The following MYCBPAP variants were observed in gnomAD, a reference collection of about 807,000 sequenced individuals.
The protein encoded by MYCBPAP is MYCBP-associated protein.
Under a neutral mutation model 106.1 loss-of-function variants are expected in MYCBPAP, and 60 were observed. That is an observed-to-expected ratio of 0.57 (90% CI 0.46 to 0.70). The LOEUF (loss-of-function observed/expected upper bound fraction) is 0.70, where lower values mean the gene tolerates loss of function less well. Among genes scored for constraint, MYCBPAP ranks in the 30% least tolerant of loss-of-function variants. MYCBPAP has a pLI of 0.00. For missense variants in MYCBPAP, 1,064 were observed against 1,169.3 expected (o/e 0.91, Z 1.31); for synonymous variants, 407 against 440.6 (o/e 0.92, Z 0.95).
intron 2 of MYCBPAP, 71 bp from the exon 3 acceptor site, chr17:50,517,222 C>T: frequency 7.0e-7 from 1 of 1,427,268 alleles, no homozygotes; most frequent in Non-Finnish European, 9.9e-7. Context: ...AGAACTAGAA[C>T]AGAAGAGATG....
In MYCBPAP at chr17:50,528,139, G is replaced by A. The variant is rs2143997815; in HGVS notation, c.2292-16G>A. Reference sequence around the variant, plus strand: ...TGAGGAGTGATGGCATTTCTCCACTGTGTCTTGCCCTCTAGTTTGCAGCTG... The same window carrying A: ...TGAGGAGTGATGGCATTTCTCCACTATGTCTTGCCCTCTAGTTTGCAGCTG... On this transcript the variant is annotated splice_polypyrimidine_tract_variant and intron_variant, in intron 15 of 18. Transcript: ENST00000323776. 6.2e-7 allele frequency: 1 copy of A among 1,609,566 alleles called. No homozygotes were observed. The highest frequency in any genetic ancestry group is 8.5e-7 in the Non-Finnish European group (1 of 1,176,302).
rs553881061 is a variant in MYCBPAP, at chr17:50,508,464, T to C, written c.-211T>C. On this transcript the variant is annotated 5_prime_UTR_variant, in exon 1 of 19. Coordinates refer to ENST00000323776, the MANE Select transcript of MYCBPAP (RefSeq NM_032133.6). ...AGGGCTTTCTAGGGGTCCGTCGCTC[T>C]TGAAGCCGCCGGCGGCGGGCGCGTG... 4 of 1,408,410 alleles carry C rather than the reference T, an allele frequency of 2.8e-6. No individual in the cohort carries two copies. The African/African-American group carries it at 5.9e-5, about 21-fold the overall frequency. 87.2% of individuals were successfully genotyped at this position (1,408,410 alleles called of 1,614,324 possible). A position where few individuals can be genotyped will look rare whatever the true frequency, so the allele number is the denominator to read the frequency against.
chr17:50,531,258 C>T, intron 18 of MYCBPAP, 69 bp from the exon 19 acceptor site: 1 of 935,148 alleles, frequency 1.1e-6, no homozygotes, highest in Non-Finnish European at 1.6e-6. Context: ...TATTCTCTCA[C>T]AGCATAGTTC....
At chr17:50,528,022 T>G in intron 15 of MYCBPAP, 133 bp from the exon 16 acceptor site, 1 of 733,496 alleles carries the variant, frequency 1.4e-6, no homozygotes, top group South Asian at 1.7e-5. Flanking sequence ...GTGAGGATGC[T>G]GGCTGTTCAG....
Position 50,521,223 on chromosome 17 carries a change from C to G in MYCBPAP, c.1030C>G (p.Gln344Glu). 6.2e-7 allele frequency: 1 copy of G among 1,610,650 alleles called. No homozygotes were observed. The highest frequency in any genetic ancestry group is 8.5e-7 in the Non-Finnish European group (1 of 1,178,510). The change falls in exon 8 of 19, where the codon CAG (glutamine) becomes GAG (glutamate). Residue 344 changes from glutamine (Q) to glutamate (E), a missense_variant and splice_region_variant. Physicochemically the swap from Gln to Glu is conservative, Grantham distance 29. Coordinates refer to ENST00000323776, the MANE Select transcript of MYCBPAP (RefSeq NM_032133.6). Reference sequence around the variant, plus strand: ...CATGGAAGAGCTGGATTTCAGCCAGCAGGTTGGTATGGCCTCCATGCCCCA... The same window carrying G: ...CATGGAAGAGCTGGATTTCAGCCAGGAGGTTGGTATGGCCTCCATGCCCCA... ...RIMEELDFSQ[Q>E]DIDGLEVVGK...
At chr17:50,528,031 A>G in intron 15 of MYCBPAP, 124 bp from the exon 16 acceptor site, 1 of 768,326 alleles carries the variant, frequency 1.3e-6, no homozygotes, top group Non-Finnish European at 2.2e-6. Flanking sequence ...CTGGCTGTTC[A>G]GGGGTGTGGC....
chr17:50,522,343 G>A (rs1056690687), intron 10 of MYCBPAP: 40 of 328,822 alleles, frequency 1.2e-4, no homozygotes, highest in African/African-American at 7.9e-4. Flanking sequence ...ATGGCTCTAA[G>A]AAGGTTCCAA....
Position 50,519,730 on chromosome 17 carries a change from G to A in MYCBPAP, c.859G>A (p.Gly287Ser). Residue 287 changes from glycine to serine, a missense_variant, in exon 7 of 19, where the codon GGC becomes AGC. Gly to Ser is a moderately conservative substitution (Grantham distance 56). Transcript: ENST00000323776. ...LVMTKTKTQR[G>S]LMEPITHIRK... ...CATGACCAAGACAAAAACTCAGCGT[G>A]GCCTCATGGAGCCCATCACTCACAT... 1 of 1,614,142 alleles carries A rather than the reference G, an allele frequency of 6.2e-7. No homozygotes were observed. Among genetic ancestry groups the A allele is most frequent in the Non-Finnish European group, 8.5e-7 (1 of 1,180,024 alleles).
At chr17:50,522,265 G>A (rs752604261) in intron 10 of MYCBPAP, 184 bp downstream of exon 10, 47 of 523,882 alleles carry the variant, frequency 9.0e-5, no homozygotes, top group Non-Finnish European at 1.5e-4. Flanking sequence ...ACAAGGCTGC[G>A]AGTGTCATAA....
At chr17:50,511,426 C>G (rs372935969) in intron 1 of MYCBPAP, among the ~76,000 whole-genome samples, 27 of 152,024 alleles carry the variant, frequency 1.8e-4, no homozygotes, top group African/African-American at 5.3e-4. Flanking sequence ...GACAGCCCCT[C>G]CATGGTTCCC....
chr17:50,513,905 T>A (rs1189383801), intron 1 of MYCBPAP, among the ~76,000 whole-genome samples: 2 of 152,340 alleles, frequency 1.3e-5, no homozygotes, highest in East Asian at 3.9e-4. Flanking sequence ...CAGATGAGAC[T>A]GGAACTCGGG....
chr17:50,531,303 T>G (rs760104033), intron 18 of MYCBPAP, 24 bp from the exon 19 acceptor site: 1 of 1,560,570 alleles, frequency 6.4e-7, no homozygotes, highest in Non-Finnish European at 8.8e-7. Context: ...AAACTCTGCC[T>G]GTGATGTTGT....
chr17:50,528,901 G>A, intron 17 of MYCBPAP, 61 bp downstream of exon 17: 1 of 1,603,360 alleles, frequency 6.2e-7, no homozygotes, highest in Non-Finnish European at 8.5e-7. Context: ...GGGCTGCGGA[G>A]GTGGGGGCTG....
At chr17:50,522,818 G>C in intron 10 of MYCBPAP, 121 bp from the exon 11 acceptor site, 1 of 922,086 alleles carries the variant, frequency 1.1e-6, no homozygotes, top group Non-Finnish European at 1.6e-6. Context: ...GCCAAGCCCT[G>C]GAGGCCTGGG....
chr17:50,523,029 G>C lies in MYCBPAP; in HGVS notation c.1348G>C (p.Val450Leu). Residue 450 changes from valine to leucine, a missense_variant, in exon 11 of 19, where the codon GTG (valine) becomes CTG (leucine). By Grantham distance (32) the Val-to-Leu change is conservative. Transcript: ENST00000323776. ...SELTVVNNGT[V>L]AIWYDWRRQH... Reference sequence around the variant, plus strand: ...ACTGACTGTGGTCAATAATGGCACCGTGGCCATTTGGTATGACTGGCGACG... The same window carrying C: ...ACTGACTGTGGTCAATAATGGCACCCTGGCCATTTGGTATGACTGGCGACG... 1 of 1,614,064 alleles carries C rather than the reference G, an allele frequency of 6.2e-7. No individual in the cohort carries two copies. Among genetic ancestry groups the C allele is most frequent in the Non-Finnish European group, 8.5e-7 (1 of 1,180,024 alleles).
chr17:50,525,761 G>A, intron 13 of MYCBPAP, 120 bp from the exon 14 acceptor site: 1 of 1,233,516 alleles, frequency 8.1e-7, no homozygotes, highest in Non-Finnish European at 1.1e-6. Flanking sequence ...AAAGCACTGG[G>A]ATTGCAGGCT....
chr17:50,525,510 G>A (rs76227130), intron 13 of MYCBPAP, among the ~76,000 whole-genome samples: 3,532 of 151,998 alleles, frequency 0.023, 145 homozygotes, highest in African/African-American at 0.08. Flanking sequence ...AAGAAATAGC[G>A]TGTCATACTG....
chr17:50,530,297 C>A, intron 18 of MYCBPAP: 1 of 331,510 alleles, frequency 3.0e-6, no homozygotes, highest in Non-Finnish European at 6.0e-6. Context: ...AGTTCAAGAC[C>A]AGCCTGGGCA....
Position 50,523,655 on chromosome 17 carries a change from T to G in MYCBPAP, c.1506T>G (p.Ala502=). The part of the protein sequence containing the change: ...TFTFFFKSLT[A]GVFREFWEFR... ...CCTTCTTCTTCAAGTCTTTGACTGC[T>G]GGGGTCTTCAGGGAATTTTGGGAGT... is the stretch of plus-strand genomic sequence containing the variant. The change falls in exon 12 of 19, where the codon GCT becomes GCG. Residue 502 remains alanine, a synonymous_variant. Coordinates refer to ENST00000323776, the MANE Select transcript of MYCBPAP (RefSeq NM_032133.6). 1.2e-6 allele frequency: 2 copies of G among 1,614,246 alleles called. No individual in the cohort carries two copies. The highest frequency in any genetic ancestry group is 1.3e-5 in the African/African-American group (1 of 75,068).
Sources: allele counts gnomAD v4.1 joint callset (sites outside exome capture counted in the v4.1 genomes callset), GRCh38; gene constraint gnomAD v4.1.1; transcripts MANE v1.5; gene names NCBI Gene and HGNC (gene_info 2026-07-23, HGNC 2026-07-21).